Variants in KLRG1 observed in about 807,000 individuals in gnomAD.
KLRG1 encodes the protein killer cell lectin-like receptor subfamily G member 1.
In KLRG1, 16 loss-of-function variants were observed where a neutral mutation model predicts 21.8. The ratio of observed to expected loss-of-function variants is 0.73; its 90% CI spans 0.50 to 1.11. The LOEUF is 1.11. Among genes scored for constraint, KLRG1 ranks in the 50% most tolerant of loss-of-function variants. The probability of loss-of-function intolerance (pLI) is 0.00; values close to 1 mark genes in which losing one functional copy is unlikely to be tolerated. For synonymous variants in KLRG1, 69 were observed against 75.9 expected (o/e 0.91, Z 0.47); for missense variants, 173 against 218.3 (o/e 0.79, Z 1.31).
upstream of KLRG1, among the ~76,000 whole-genome samples, chr12:8,985,775 A>G (rs150982797): frequency 5.3e-5 from 8 of 152,326 alleles, no homozygotes; most frequent in East Asian, 1.5e-3. Flanking sequence ...AGGAATCTCC[A>G]CAGGTTCAGT....
intron 1 of KLRG1, among the ~76,000 whole-genome samples, chr12:8,956,403 C>T (rs1438347538): frequency 6.6e-6 from 1 of 152,172 alleles, no homozygotes; most frequent in African/African-American, 2.4e-5. Flanking sequence ...CGGGATTCCC[C>T]AAGCCAGAGC....
At chr12:9,133,680 G>T in the KLRG1 span, among the ~76,000 whole-genome samples, 1 of 152,258 alleles carries the variant, frequency 6.6e-6, no homozygotes, top group Non-Finnish European at 1.5e-5. Flanking sequence ...ATAGGCAGAG[G>T]GAAGCATGTG....
chr12:9,162,248 C>G, the KLRG1 span: 1 of 184,066 alleles, frequency 5.4e-6, no homozygotes, highest in Non-Finnish European at 1.1e-5. Context: ...AAATGTGAGC[C>G]ACCACACCCG....
chr12:9,098,702 G>A, the KLRG1 span: 6 of 1,612,280 alleles, frequency 3.7e-6, no homozygotes, highest in African/African-American at 6.7e-5. Flanking sequence ...GCTGTGACTC[G>A]CAGGTGGGCG....
chr12:9,000,165 T>C (rs1947263148), intron 3 of KLRG1, among the ~76,000 whole-genome samples: 1 of 152,152 alleles, frequency 6.6e-6, no homozygotes, highest in African/African-American at 2.4e-5. Context: ...ACTTGTTGAA[T>C]TGAGTATATT....
chr12:9,127,429 G>A, the KLRG1 span, among the ~76,000 whole-genome samples: 1 of 152,250 alleles, frequency 6.6e-6, no homozygotes, highest in East Asian at 1.9e-4. Flanking sequence ...CCCACTCATA[G>A]CACAAAAATT....
chr12:9,137,296 C>T, the KLRG1 span, among the ~76,000 whole-genome samples: 2 of 152,008 alleles, frequency 1.3e-5, no homozygotes. Flanking sequence ...ATCCATTCCC[C>T]CTAGTGTATT....
At chr12:9,158,723 CT>C in the KLRG1 span, 1 of 642,176 alleles carries the variant, frequency 1.6e-6, no homozygotes, top group Non-Finnish European at 2.3e-6. Context: ...TTCTTTTTAG[CT>C]TAGACATCTC....
At chr12:9,069,615 AGAGTTAACAT>A in the KLRG1 span, 1 of 610,468 alleles carries the variant, frequency 1.6e-6, no homozygotes, top group Non-Finnish European at 2.8e-6. Flanking sequence ...ACATTCTTTT[AGAGTTAACAT>A]TAGAATTCTC....
the KLRG1 span, among the ~76,000 whole-genome samples, chr12:9,135,937 A>T: frequency 1.4e-5 from 2 of 146,720 alleles, no homozygotes; most frequent in Admixed American, 6.7e-5. Context: ...CTCGCAGAGG[A>T]ATTTGAACTA....
chr12:9,096,360 C>G, the KLRG1 span, among the ~76,000 whole-genome samples: 1 of 152,102 alleles, frequency 6.6e-6, no homozygotes, highest in Admixed American at 6.5e-5. Flanking sequence ...TGACATTGCA[C>G]AAAGCTTTGA....
the KLRG1 span, among the ~76,000 whole-genome samples, chr12:9,129,019 TTTG>T: frequency 6.6e-6 from 1 of 152,344 alleles, no homozygotes; most frequent in African/African-American, 2.4e-5. Context: ...GTGGCTTGCT[TTTG>T]AATGTTACCA....
chr12:9,182,204 T>A, the KLRG1 span: 1 of 848,134 alleles, frequency 1.2e-6, no homozygotes, highest in East Asian at 4.1e-5. Context: ...TATTGCTTGG[T>A]CTTATCCACT....
At chr12:9,119,174 A>C in the KLRG1 span, among the ~76,000 whole-genome samples, 1 of 152,230 alleles carries the variant, frequency 6.6e-6, no homozygotes, top group Non-Finnish European at 1.5e-5. Flanking sequence ...AAATTATTAC[A>C]AATGATGGTA....
At chr12:8,979,672 C>T (rs1946722844) in intron 1 of KLRG1, among the ~76,000 whole-genome samples, 1 of 152,100 alleles carries the variant, frequency 6.6e-6, no homozygotes, top group Non-Finnish European at 1.5e-5. Flanking sequence ...TCTCTATTCT[C>T]CTTGTGGGAC....
At chr12:9,181,551 A>G in the KLRG1 span, among the ~76,000 whole-genome samples, 1 of 152,344 alleles carries the variant, frequency 6.6e-6, no homozygotes, top group South Asian at 2.1e-4. Flanking sequence ...AACAAAATAT[A>G]GCTTCTCGGT....
the KLRG1 span, among the ~76,000 whole-genome samples, chr12:9,025,532 G>A: frequency 3.3e-5 from 5 of 152,176 alleles, no homozygotes; most frequent in African/African-American, 9.7e-5. Flanking sequence ...AGCTACTCAG[G>A]AGAGTGAGGC....
At chr12:9,136,024 A>G in the KLRG1 span, among the ~76,000 whole-genome samples, 421 of 152,292 alleles carry the variant, frequency 2.8e-3, 2 homozygotes, top group African/African-American at 9.5e-3. Context: ...GTAGTACTGG[A>G]AATTTTACGA....
chr12:9,051,564 T>A, the KLRG1 span, among the ~76,000 whole-genome samples: 1 of 152,240 alleles, frequency 6.6e-6, no homozygotes, highest in Non-Finnish European at 1.5e-5. Context: ...AGCTAGCCAC[T>A]GCAGGTCTCC....
Sources: gnomAD v4.1 joint callset for allele counts (sites outside exome capture counted in the v4.1 genomes callset) on GRCh38, gnomAD v4.1.1 for gene constraint, MANE v1.5 for transcripts, NCBI Gene and HGNC (gene_info 2026-07-23, HGNC 2026-07-21) for gene names.